SF3B1: variants seen among roughly 807,000 people sequenced by gnomAD.
The protein encoded by SF3B1 is splicing factor 3b subunit 1, also known as pre-mRNA processing 10.
SF3B1 carries 12 observed loss-of-function variants against 153.8 expected under a neutral mutation model. The ratio of observed to expected loss-of-function variants is 0.08; its 90% confidence interval spans 0.05 to 0.13. The LOEUF is 0.13. Among genes scored for constraint, SF3B1 ranks in the 10% least tolerant of loss-of-function variants. SF3B1 has a pLI of 1.00. For synonymous variants in SF3B1, 498 were observed against 525.2 expected (o/e 0.95, Z 0.71); for missense variants, 513 against 1,606.1 (o/e 0.32, Z 11.63).
At chr2:197,409,356 C>T (rs368351190) in intron 7 of SF3B1, among the ~76,000 whole-genome samples, 6 of 151,810 alleles carry the variant, frequency 4.0e-5, no homozygotes, top group South Asian at 2.1e-4. Context: ...GCTGAGATCG[C>T]GCCATTGCAT....
chr2:197,420,500 G>A lies in SF3B1; in HGVS notation c.343C>T (p.Arg115Trp), dbSNP rs757758244. 2 of 1,612,914 alleles carry A rather than the reference G, an allele frequency of 1.2e-6. No homozygotes were observed. The highest frequency in any genetic ancestry group is 1.1e-5 in the South Asian group (1 of 90,976). ...CTATGCTTTTTGTATTCATCTTCCC[G>A]GTCTGCAATCTTTGGAGGTCTGTGC... ...AEHRPPKIAD[R>W]EDEYKKHRRT... is the part of the protein sequence containing the mutation. The change falls in exon 4 of 25, where the codon CGG becomes TGG. Residue 115 changes from arginine to tryptophan, a missense_variant. By Grantham distance (101) the Arg-to-Trp change is moderately radical. Coordinates refer to ENST00000335508, the MANE Select transcript of SF3B1 (RefSeq NM_012433.4).
At chr2:197,424,362 G>A (rs567436890) in intron 1 of SF3B1, among the ~76,000 whole-genome samples, 2 of 152,118 alleles carry the variant, frequency 1.3e-5, no homozygotes, top group Non-Finnish European at 1.5e-5. Context: ...GTAGCTGGGC[G>A]TGGGGGCATG....
chr2:197,435,051 C>T (rs1386800956), upstream of SF3B1: 1 of 1,613,754 alleles, frequency 6.2e-7, no homozygotes, highest in South Asian at 1.1e-5. Context: ...AACTTCCGCT[C>T]GTCGCCGCCG....
At chr2:197,404,165 T>C (rs2084963788) in intron 11 of SF3B1, among the ~76,000 whole-genome samples, 1 of 152,210 alleles carries the variant, frequency 6.6e-6, no homozygotes, top group South Asian at 2.1e-4. Context: ...TTTTATTAGC[T>C]TTTTTAACCA....
In SF3B1 at chr2:197,392,582, A is replaced by G. The variant is rs972313813; in HGVS notation, c.3757-121T>C. The G allele has an allele frequency of 1.2e-4, 40 of 332,978 alleles. 1 individual carries two copies. The highest frequency in any genetic ancestry group is 1.7e-4 in the Admixed American group (3 of 17,752). The allele number at this position is 332,978 out of a possible 1,614,324, so 20.6% of individuals were successfully genotyped here. ...TCCCTTGGGGAGTTGGGGGGGGGGGAACCTACTAATTACACTGCTCTTAAG... is the reference window on the plus strand; with the variant it reads ...TCCCTTGGGGAGTTGGGGGGGGGGGGACCTACTAATTACACTGCTCTTAAG... On this transcript the variant is annotated intron_variant, in intron 24 of 24. Coordinates refer to ENST00000335508, the MANE Select transcript of SF3B1 (RefSeq NM_012433.4).
At chr2:197,418,763 T>C (rs986026737) in intron 4 of SF3B1, 175 bp from the exon 5 acceptor site, 5 of 1,465,018 alleles carry the variant, frequency 3.4e-6, no homozygotes, top group Non-Finnish European at 4.5e-6. Context: ...TGCTGATCAA[T>C]TTAACCTGTT....
In SF3B1 at chr2:197,401,911, T is replaced by C. The variant is rs2084940400; in HGVS notation, c.2224-23A>G. ...ACCCTATTTTTAAATAAAAAATATA[T>C]GTACTTTAGTAATTTAGATTTATGT... On this transcript the variant is annotated intron_variant, in intron 15 of 24. Coordinates refer to ENST00000335508, the MANE Select transcript of SF3B1 (RefSeq NM_012433.4). The surrounding 1 kb of genome is among the most constrained non-coding windows in gnomAD (Gnocchi z 4.2). 1 of 1,584,652 alleles carries C rather than the reference T, an allele frequency of 6.3e-7. No homozygotes were observed. The highest frequency in any genetic ancestry group is 8.6e-7 in the Non-Finnish European group (1 of 1,169,458).
At chr2:197,410,650 T>TGCCTGCCACCAC (rs1415641884) in intron 6 of SF3B1, among the ~76,000 whole-genome samples, 16 of 151,082 alleles carry the variant, frequency 1.1e-4, no homozygotes, top group Non-Finnish European at 1.6e-4. Context: ...GGGTTACAGG[T>TGCCTGCCACCAC]GCCTGCCACC....
At chr2:197,420,341 G>A (rs1485691693) in intron 4 of SF3B1, 87 bp downstream of exon 4, 1 of 973,776 alleles carries the variant, frequency 1.0e-6, no homozygotes, top group Non-Finnish European at 1.6e-6. Flanking sequence ...AGCAAATTCA[G>A]AAGCATGCCA....
intron 1 of SF3B1, among the ~76,000 whole-genome samples, chr2:197,431,191 C>T (rs1019789766): frequency 6.9e-6 from 1 of 144,772 alleles, no homozygotes; most frequent in Non-Finnish European, 1.5e-5. Context: ...GATCTCAGCT[C>T]ACTGCAACCT....
At chr2:197,417,049 G>GTACTGGTGAT in intron 5 of SF3B1, 138 bp from the exon 6 acceptor site, 1 of 821,850 alleles carries the variant, frequency 1.2e-6, no homozygotes, top group Non-Finnish European at 1.9e-6. Context: ...TCCTTTCTAC[G>GTACTGGTGAT]CTCGCTGGTT....
chr2:197,414,556 G>A (rs2085119234), intron 6 of SF3B1, among the ~76,000 whole-genome samples: 1 of 152,222 alleles, frequency 6.6e-6, no homozygotes, highest in East Asian at 1.9e-4. Flanking sequence ...TTCTTGGTAT[G>A]CTAAATCATG....
intron 9 of SF3B1, among the ~76,000 whole-genome samples, chr2:197,407,261 G>T (rs1194806221): frequency 6.6e-6 from 1 of 152,096 alleles, no homozygotes; most frequent in African/African-American, 2.4e-5. Context: ...AATACTCCCT[G>T]AGTACCAGGT....
Position 197,402,334 on chromosome 2 carries a change from GC to G in SF3B1, c.2078-205del. The G allele has an allele frequency of 4.2e-6, 3 of 708,588 alleles. No homozygotes were observed. The highest frequency in any genetic ancestry group is 6.9e-6 in the Non-Finnish European group (3 of 436,886). 43.9% of individuals were successfully genotyped at this position (708,588 alleles called of 1,614,324 possible). ...CATCATAAAATCTATAGTTTGTAGA[GC>G]TATGCCTTTCCATTTATCTCCCCAA... On this transcript the variant is annotated intron_variant, in intron 14 of 24. Coordinates refer to ENST00000335508, the MANE Select transcript of SF3B1 (RefSeq NM_012433.4). The surrounding 1 kb of genome is among the most constrained non-coding windows in gnomAD (Gnocchi z 4.6).
chr2:197,395,311 C>T (rs1398957341), intron 23 of SF3B1, among the ~76,000 whole-genome samples: 5 of 152,184 alleles, frequency 3.3e-5, no homozygotes, highest in Admixed American at 6.5e-5. Flanking sequence ...TGCATATATA[C>T]GTTCTGGTAA....
At chr2:197,407,814 A>C (rs375530818) in intron 9 of SF3B1, 184 bp downstream of exon 9, 62 of 513,684 alleles carry the variant, frequency 1.2e-4, no homozygotes, top group East Asian at 8.3e-4. Context: ...AAAAGTAATA[A>C]AAGTTTCATG....
chr2:197,404,968 A>G (rs1038300290), intron 11 of SF3B1, 108 bp downstream of exon 11: 26 of 723,528 alleles, frequency 3.6e-5, no homozygotes, highest in Non-Finnish European at 5.4e-5. Context: ...GGATCACTTG[A>G]GACCAGCCTG....
rs2084920653 is a variant in SF3B1 at position 197,399,911 on chromosome 2, C to T, written c.3013+144G>A. On this transcript the variant is annotated intron_variant, in intron 20 of 24. Coordinates refer to ENST00000335508, the MANE Select transcript of SF3B1 (RefSeq NM_012433.4). ...TTGGGAAACAAGACTTTTGTGACATCCCCCGACTTAACTACAATCTTGAAG... is the reference window on the plus strand; with the variant it reads ...TTGGGAAACAAGACTTTTGTGACATTCCCCGACTTAACTACAATCTTGAAG... The T allele has an allele frequency of 9.8e-6, 6 of 614,586 alleles. No individual in the cohort carries two copies. The South Asian group carries it at 1.1e-4, about 11-fold the overall frequency. 38.1% of individuals were successfully genotyped at this position (614,586 alleles called of 1,614,324 possible).
At chr2:197,407,945 T>C in intron 9 of SF3B1, 53 bp downstream of exon 9, 1 of 1,539,046 alleles carries the variant, frequency 6.5e-7, no homozygotes, top group Non-Finnish European at 8.9e-7. Context: ...TTTTTCACTA[T>C]TTAAAATAAA....
Sources: allele counts gnomAD v4.1 joint callset (sites outside exome capture counted in the v4.1 genomes callset), GRCh38; gene constraint gnomAD v4.1.1; non-coding constraint Gnocchi (gnomAD v3.1); transcripts MANE v1.5; gene names NCBI Gene and HGNC (gene_info 2026-07-23, HGNC 2026-07-21).